PSMD12: variants seen among roughly 807,000 people sequenced by gnomAD.
PSMD12 encodes 26S proteasome non-ATPase regulatory subunit 12.
A neutral mutation model predicts 62.9 loss-of-function variants in PSMD12; 8 were observed. The observed-to-expected ratio is 0.13, with a 90% confidence interval of 0.07 to 0.23. The LOEUF is 0.23. PSMD12 is among the 10% of genes least tolerant of loss of function. The pLI is 1.00. For missense variants in PSMD12, 424 were observed against 550.2 expected (o/e 0.77, Z 2.29); for synonymous variants, 173 against 187.4 (o/e 0.92, Z 0.63).
chr17:67,341,101 A>G (rs2143678281), intron 10 of PSMD12, 49 bp from the exon 11 acceptor site: 1 of 1,400,176 alleles, frequency 7.1e-7, no homozygotes, highest in Non-Finnish European at 9.6e-7. Flanking sequence ...AATTACAGAC[A>G]ATAAACAAAA....
chr17:67,355,755 C>T (rs1430409138), intron 3 of PSMD12, among the ~76,000 whole-genome samples: 1 of 152,120 alleles, frequency 6.6e-6, no homozygotes, highest in Non-Finnish European at 1.5e-5. Context: ...AAAAATCCAA[C>T]TTCACCAAAA....
At chr17:67,352,103 T>G (rs1448181410) in intron 3 of PSMD12, among the ~76,000 whole-genome samples, 1 of 151,862 alleles carries the variant, frequency 6.6e-6, no homozygotes, top group African/African-American at 2.4e-5. Context: ...AAAAAAATTT[T>G]TTTTAAAGAG....
At chr17:67,357,272 G>C (rs776055527) in intron 3 of PSMD12, 31 bp downstream of exon 3, 2 of 1,583,186 alleles carry the variant, frequency 1.3e-6, no homozygotes, top group East Asian at 2.2e-5. Flanking sequence ...AAATGCTTTT[G>C]TGTTTGGAGC....
chr17:67,348,282 C>A (rs1167294493), intron 5 of PSMD12, among the ~76,000 whole-genome samples: 2 of 152,160 alleles, frequency 1.3e-5, no homozygotes, highest in Non-Finnish European at 2.9e-5. Flanking sequence ...TCCCCACCAG[C>A]AATGAGTATT....
chr17:67,358,622 A>G (rs1056360286), intron 1 of PSMD12, among the ~76,000 whole-genome samples: 3 of 151,794 alleles, frequency 2.0e-5, no homozygotes, highest in Non-Finnish European at 4.4e-5. Context: ...TAGGAAAATA[A>G]ATGATTCCTT....
At chr17:67,342,294 CG>C (rs764998670) in intron 9 of PSMD12, 31 bp from the exon 10 acceptor site, 1 of 1,395,706 alleles carries the variant, frequency 7.2e-7, no homozygotes, top group Non-Finnish European at 1.0e-6. Context: ...AGGGAGAACA[CG>C]TAACATTTGT....
intron 3 of PSMD12, among the ~76,000 whole-genome samples, chr17:67,353,324 CTCTT>C (rs1438848710): frequency 6.6e-5 from 10 of 150,696 alleles, no homozygotes; most frequent in Non-Finnish European, 1.3e-4. Context: ...CGCTCCCTCT[CTCTT>C]TCTTTTGAGA....
Position 67,342,939 on chromosome 17 carries a change from C to CA in PSMD12, c.1084-677dup, listed in dbSNP as rs11366514. Among the ~76,000 whole-genome samples, 679 of 102,564 alleles carry CA rather than the reference C, an allele frequency of 6.6e-3. 3 individuals are homozygous for CA. The highest frequency in any genetic ancestry group is 0.012 in the South Asian group (37 of 3,052). The allele number at this position is 102,564 out of a possible 152,430, so 67.3% of individuals were successfully genotyped here. A position where few individuals can be genotyped will look rare whatever the true frequency, so the allele number is the denominator to read the frequency against. ...TGACAGAGCTACACTGACTCTCTTT[C>CA]AAAAAAAAAAAAAAAAAGATTAGAC... On this transcript the variant is annotated intron_variant, in intron 9 of 10. Transcript: ENST00000356126.
chr17:67,364,037 G>A (rs1274319824), intron 1 of PSMD12, among the ~76,000 whole-genome samples: 4 of 151,762 alleles, frequency 2.6e-5, no homozygotes, highest in South Asian at 4.2e-4. Flanking sequence ...CAACAAGAGC[G>A]AAACTCTGTC....
At chr17:67,353,168 C>T (rs2042034182) in intron 3 of PSMD12, among the ~76,000 whole-genome samples, 1 of 152,108 alleles carries the variant, frequency 6.6e-6, no homozygotes, top group Non-Finnish European at 1.5e-5. Flanking sequence ...TTGCTCCTCT[C>T]TGAAAAAAAT....
Position 67,344,768 on chromosome 17 carries a change from C to T in PSMD12, c.921G>A (p.Lys307=), listed in dbSNP as rs1285571759. 1.3e-6 allele frequency: 2 copies of T among 1,579,776 alleles called. No homozygotes were observed. The highest frequency in any genetic ancestry group is 1.8e-5 in the Admixed American group (1 of 56,360). Residue 307 remains lysine, a synonymous_variant, in exon 9 of 11, where the codon AAG becomes AAA. Transcript: ENST00000356126. ...GCATCAACTCCATTGTGGTAAAAAG[C>T]TTTAAAAGATCCCTGAAAATTGTAT... is the stretch of plus-strand genomic sequence containing the variant. The part of the protein sequence containing the change: ...EEIPKYKDLL[K]LFTTMELMRW...
Position 67,340,962 on chromosome 17 carries a change from G to A in PSMD12, c.1252C>T (p.Pro418Ser). ...TTTAATAAATTATTTGGATCCTTGG[G>A]TCTCTGGAAGTTGATAATTCCTGCT... ...RLAGIINFQR[P>S]KDPNNLLNDW... Residue 418 changes from proline to serine, a missense_variant, in exon 11 of 11, where the codon CCC (proline) becomes TCC (serine). Physicochemically the swap from Pro to Ser is moderately conservative, Grantham distance 74. Transcript: ENST00000356126. The A allele has an allele frequency of 6.3e-7, 1 of 1,581,252 alleles. No homozygotes were observed.
chr17:67,357,543 G>C lies in PSMD12; in HGVS notation c.144C>G (p.Leu48=). ...GRLQEVIETL[L]SLEKQTRTAS... The stretch of plus-strand genomic sequence containing the variant: ...CAGTACGAGTCTGCTTTTCCAGAGA[G>C]AGAAGGGTTTCAATGACTTCTTGAA... The change falls in exon 2 of 11, where the codon CTC becomes CTG. Residue 48 remains leucine (L), a synonymous_variant. Transcript: ENST00000356126. The C allele has an allele frequency of 1.9e-6, 3 of 1,613,794 alleles. No individual in the cohort carries two copies. The highest frequency in any genetic ancestry group is 2.7e-5 in the African/African-American group (2 of 75,034).
intron 3 of PSMD12, among the ~76,000 whole-genome samples, chr17:67,351,827 C>T (rs1209897571): frequency 6.7e-6 from 1 of 149,838 alleles, no homozygotes; most frequent in African/African-American, 2.5e-5. Flanking sequence ...TGGCTGGGTA[C>T]GGTGGCTCAT....
intron 3 of PSMD12, 121 bp from the exon 4 acceptor site, chr17:67,350,457 T>C (rs1171611504): frequency 5.1e-6 from 3 of 584,814 alleles, no homozygotes; most frequent in Non-Finnish European, 8.4e-6. Flanking sequence ...GACACCAAAA[T>C]GTCATAAAGA....
intron 10 of PSMD12, among the ~76,000 whole-genome samples, chr17:67,341,950 G>T (rs2041919180): frequency 6.6e-6 from 1 of 152,160 alleles, no homozygotes; most frequent in Non-Finnish European, 1.5e-5. Context: ...ACTCCTCTTT[G>T]TGTGCTATGC....
chr17:67,352,393 G>A (rs975124557), intron 3 of PSMD12, among the ~76,000 whole-genome samples: 2 of 152,148 alleles, frequency 1.3e-5, no homozygotes, highest in African/African-American at 4.8e-5. Context: ...TGGCTATTTA[G>A]AGACCCAGGC....
At chr17:67,342,498 TTAAA>T in intron 9 of PSMD12, 2 of 322,566 alleles carry the variant, frequency 6.2e-6, no homozygotes, top group East Asian at 1.1e-4. Flanking sequence ...ACACAGCTCT[TTAAA>T]TATATAGTCA....
intron 9 of PSMD12, among the ~76,000 whole-genome samples, chr17:67,342,822 G>A (rs1057244325): frequency 6.8e-6 from 1 of 146,910 alleles, no homozygotes; most frequent in Non-Finnish European, 1.5e-5. Context: ...TATAGTCCTA[G>A]CTACCTAGGA....
Sources: gnomAD v4.1 joint callset for allele counts (sites outside exome capture counted in the v4.1 genomes callset) on GRCh38, gnomAD v4.1.1 for gene constraint, MANE v1.5 for transcripts, NCBI Gene and HGNC (gene_info 2026-07-23, HGNC 2026-07-21) for gene names.